KIFAP3: variants seen among roughly 807,000 people sequenced by gnomAD.
KIFAP3 encodes the protein kinesin-associated protein 3.
A neutral mutation model predicts 106.5 loss-of-function variants in KIFAP3; 68 were observed. The observed-to-expected ratio is 0.64, with a 90% CI of 0.53 to 0.78. KIFAP3 has a LOEUF of 0.78. KIFAP3 is among the 30% of genes least tolerant of loss of function. The pLI, the probability that KIFAP3 is intolerant of heterozygous loss-of-function variation, is 0.00. For synonymous variants in KIFAP3, 320 were observed against 311.5 expected (o/e 1.03, Z -0.29); for missense variants, 780 against 941.8 (o/e 0.83, Z 2.25).
intron 11 of KIFAP3, among the ~76,000 whole-genome samples, chr1:169,987,885 A>G (rs1666911759): frequency 6.6e-6 from 1 of 152,148 alleles, no homozygotes; most frequent in Non-Finnish European, 1.5e-5. Context: ...GGTCTAAATA[A>G]CAATGAACTG....
At chr1:170,068,264 TTTAAATCAACTGTC>T (rs1671541886) in intron 1 of KIFAP3, 1 of 152,030 alleles carries the variant, frequency 6.6e-6, no homozygotes, top group Non-Finnish European at 1.5e-5. Flanking sequence ...TATCAAAGAC[TTTAAATCAACTGTC>T]TTAAATATGT....
At chr1:169,943,605 G>A (rs940562054) in intron 19 of KIFAP3, among the ~76,000 whole-genome samples, 1 of 151,796 alleles carries the variant, frequency 6.6e-6, no homozygotes, top group African/African-American at 2.4e-5. Context: ...CCTTTATGAC[G>A]GTAATTTGCA....
chr1:170,003,473 G>A (rs1667770475), intron 10 of KIFAP3, among the ~76,000 whole-genome samples: 1 of 152,188 alleles, frequency 6.6e-6, no homozygotes, highest in Non-Finnish European at 1.5e-5. Flanking sequence ...AGGCTACTCG[G>A]GAGTCAGGGA....
At chr1:170,041,449 C>G (rs1278214472) in intron 3 of KIFAP3, among the ~76,000 whole-genome samples, 1 of 152,160 alleles carries the variant, frequency 6.6e-6, no homozygotes, top group Non-Finnish European at 1.5e-5. Flanking sequence ...TGAGACTAGC[C>G]TAGGCAACAT....
rs372884638 is a variant in KIFAP3 at position 170,074,517 on chromosome 1, C to A, written c.-50G>T. 13 of 1,612,654 alleles carry A rather than the reference C, an allele frequency of 8.1e-6. No homozygotes were observed. Among genetic ancestry groups the A allele is most frequent in the African/African-American group, 1.3e-5 (1 of 75,014 alleles). On this transcript the variant is annotated 5_prime_UTR_variant, in exon 1 of 20. Coordinates refer to ENST00000361580, the MANE Select transcript of KIFAP3 (RefSeq NM_014970.4). ...AGGATGGGGTATCTTGAGAGGCAGG[C>A]GCGGTTATTTCCGGGGACGGTGGCC...
intron 19 of KIFAP3, among the ~76,000 whole-genome samples, chr1:169,929,926 T>G (rs647113): frequency 0.93 from 142,326 of 152,230 alleles, 66,626 homozygotes; most frequent in East Asian, 0.99. Context: ...ACTGAGATAC[T>G]TCAGATAAAA....
chr1:170,066,070 G>C (rs1671428238), intron 1 of KIFAP3, among the ~76,000 whole-genome samples: 1 of 150,544 alleles, frequency 6.6e-6, no homozygotes, highest in Admixed American at 6.6e-5. Flanking sequence ...AACTGTTTTT[G>C]GTGGTTGCTT....
At position 170,021,941 on chromosome 1, in the gene KIFAP3, CTTTTTTTTTTTTT is replaced by C. The variant is rs71125221; in HGVS notation, c.1020+2464_1020+2476del. Among the ~76,000 whole-genome samples the C allele has an allele frequency of 7.7e-5, 6 of 77,900 alleles. No individual in the cohort carries two copies. The South Asian group carries it at 1.7e-3, about 22-fold the overall frequency. 51.1% of individuals were successfully genotyped at this position (77,900 alleles called of 152,430 possible). On this transcript the variant is annotated intron_variant, in intron 9 of 19. Coordinates refer to ENST00000361580, the MANE Select transcript of KIFAP3 (RefSeq NM_014970.4). ...TCAGGTCTATTTCTTTCTTTTCTTT[CTTTTTTTTTTTTT>C]TTTTTTTTTTTTTGAGACAGAGGCT...
intron 1 of KIFAP3, among the ~76,000 whole-genome samples, chr1:170,073,748 A>T (rs1671804838): frequency 6.6e-6 from 1 of 151,896 alleles, no homozygotes; most frequent in South Asian, 2.1e-4. Flanking sequence ...AGTATTTGCC[A>T]GCACCCAAAT....
chr1:170,046,896 C>T (rs56147946), intron 2 of KIFAP3, 30 bp from the exon 3 acceptor site: 48,286 of 1,477,296 alleles, frequency 0.033, 926 homozygotes, highest in Non-Finnish European at 0.038. Context: ...TTTCAACTCA[C>T]GTATTATAAA....
intron 10 of KIFAP3, among the ~76,000 whole-genome samples, chr1:170,004,423 C>A (rs10919277): frequency 0.94 from 142,279 of 151,832 alleles, 66,750 homozygotes; most frequent in East Asian, 1. Context: ...AAAAGAACAA[C>A]GCTGGAGGCA....
intron 9 of KIFAP3, among the ~76,000 whole-genome samples, chr1:170,022,429 C>CT (rs1668888746): frequency 6.6e-6 from 1 of 151,100 alleles, no homozygotes; most frequent in Non-Finnish European, 1.5e-5. Context: ...CTAAAAATGT[C>CT]TTTAAAAAAA....
At chr1:170,025,282 T>A (rs908995063) in intron 8 of KIFAP3, among the ~76,000 whole-genome samples, 1 of 152,128 alleles carries the variant, frequency 6.6e-6, no homozygotes, top group East Asian at 1.9e-4. Context: ...ATAGTGAAAA[T>A]GATATTAATA....
intron 9 of KIFAP3, 109 bp from the exon 10 acceptor site, chr1:170,016,733 TTA>T (rs1287038462): frequency 1.6e-6 from 1 of 624,770 alleles, no homozygotes. Context: ...TGTTTTATAA[TTA>T]TATGTTAATC....
intron 10 of KIFAP3, among the ~76,000 whole-genome samples, chr1:170,007,643 T>C (rs1179526927): frequency 6.6e-6 from 1 of 152,034 alleles, no homozygotes; most frequent in Non-Finnish European, 1.5e-5. Context: ...TGGAAAAACA[T>C]TCCACGCTCA....
At chr1:169,957,239 CATGGAACATTTAAATGACCAGAGA>C (rs1295584062) in intron 18 of KIFAP3, among the ~76,000 whole-genome samples, 1 of 152,164 alleles carries the variant, frequency 6.6e-6, no homozygotes, top group Non-Finnish European at 1.5e-5. Context: ...TAAAGTATTT[CATGGAACATTTAAATGACCAGAGA>C]ACAAACAGGA....
intron 11 of KIFAP3, among the ~76,000 whole-genome samples, chr1:169,988,464 C>T (rs760307381): frequency 1.8e-4 from 27 of 151,796 alleles, no homozygotes; most frequent in Admixed American, 9.2e-4. Context: ...AGGATTTTTA[C>T]CAAGCAAAAA....
chr1:169,961,252 G>A lies in KIFAP3; in HGVS notation c.1984-17C>T, dbSNP rs754542275. 1.3e-6 allele frequency: 2 copies of A among 1,595,760 alleles called. No homozygotes were observed. Among genetic ancestry groups the A allele is most frequent in the Non-Finnish European group, 1.7e-6 (2 of 1,169,368 alleles). The stretch of plus-strand genomic sequence containing the variant: ...ATCATATTCCTATTGAAAACAAACA[G>A]TCAACTGTTATTATATAAGCTAACT... On this transcript the variant is annotated splice_polypyrimidine_tract_variant and intron_variant, in intron 17 of 19. Coordinates refer to ENST00000361580, the MANE Select transcript of KIFAP3 (RefSeq NM_014970.4).
At chr1:170,012,094 T>C (rs566301694) in intron 10 of KIFAP3, among the ~76,000 whole-genome samples, 35 of 152,116 alleles carry the variant, frequency 2.3e-4, no homozygotes, top group Non-Finnish European at 3.5e-4. Context: ...TTAAAAAATA[T>C]ACAATTCAAA....
Sources: gnomAD v4.1 joint callset for allele counts (sites outside exome capture counted in the v4.1 genomes callset) on GRCh38, gnomAD v4.1.1 for gene constraint, MANE v1.5 for transcripts, NCBI Gene and HGNC (gene_info 2026-07-23, HGNC 2026-07-21) for gene names.